Variants in SH3GL2 observed in about 807,000 individuals in gnomAD.
SH3GL2 encodes endophilin-A1.
SH3GL2 carries 24 observed loss-of-function variants against 46.0 expected under a neutral mutation model. That is an observed-to-expected ratio of 0.52 (90% confidence interval 0.38 to 0.73). SH3GL2 has a LOEUF of 0.73. Ranked by LOEUF, SH3GL2 falls within the 30% of genes least tolerant of loss-of-function variation. The pLI, the probability that SH3GL2 is intolerant of heterozygous loss-of-function variation, is 0.00. For synonymous variants in SH3GL2, 196 were observed against 147.1 expected, an observed-to-expected ratio of 1.33 and a Z score of -2.40; for missense variants, 413 against 424.2, an observed-to-expected ratio of 0.97 and a Z score of 0.23.
At chr9:17,714,708 T>C (rs964785210) in intron 1 of SH3GL2, among the ~76,000 whole-genome samples, 7 of 151,898 alleles carry the variant, frequency 4.6e-5, no homozygotes, top group African/African-American at 1.7e-4. Flanking sequence ...CTTTTAGCTA[T>C]ATTATAAATC....
chr9:17,770,831 C>T (rs1476228063), intron 3 of SH3GL2, among the ~76,000 whole-genome samples: 1 of 152,204 alleles, frequency 6.6e-6, no homozygotes, highest in African/African-American at 2.4e-5. Context: ...CTCAATCACA[C>T]TGCCACAGAG....
At chr9:17,666,606 C>T (rs1424715831) in intron 1 of SH3GL2, among the ~76,000 whole-genome samples, 5 of 147,612 alleles carry the variant, frequency 3.4e-5, no homozygotes, top group Non-Finnish European at 7.5e-5. Context: ...CTTTTTTCAT[C>T]AGTTCATAGG....
intron 1 of SH3GL2, among the ~76,000 whole-genome samples, chr9:17,642,687 G>T (rs1288259154): frequency 6.6e-6 from 1 of 152,060 alleles, no homozygotes; most frequent in African/African-American, 2.4e-5. Context: ...ATTTCTGAGG[G>T]CTCTGTTCTG....
At chr9:17,667,706 A>G (rs909261988) in intron 1 of SH3GL2, among the ~76,000 whole-genome samples, 4 of 152,140 alleles carry the variant, frequency 2.6e-5, no homozygotes, top group Non-Finnish European at 4.4e-5. Flanking sequence ...TGATAAATTT[A>G]TGTTTAACCT....
intron 1 of SH3GL2, among the ~76,000 whole-genome samples, chr9:17,623,705 T>TACACACACACACACAC (rs10660392): frequency 6.8e-5 from 10 of 147,896 alleles, no homozygotes; most frequent in African/African-American, 2.5e-4. Context: ...TATAATTTCC[T>TACACACACACACACAC]ACACACACAC....
intron 1 of SH3GL2, among the ~76,000 whole-genome samples, chr9:17,704,128 G>A (rs1340553719): frequency 6.6e-6 from 1 of 151,938 alleles, no homozygotes; most frequent in East Asian, 1.9e-4. Context: ...AAAATCAGTG[G>A]CATTTCTGTA....
chr9:17,611,046 C>G (rs951975095), intron 1 of SH3GL2, among the ~76,000 whole-genome samples: 1 of 152,136 alleles, frequency 6.6e-6, no homozygotes, highest in African/African-American at 2.4e-5. Context: ...TTCTATATTT[C>G]TCTGAGAGTT....
At chr9:17,789,623 C>G (rs777293113) in intron 6 of SH3GL2, 73 bp downstream of exon 6, 2 of 1,589,484 alleles carry the variant, frequency 1.3e-6, no homozygotes, top group Admixed American at 3.4e-5. Context: ...AGGCCATAAC[C>G]CTTAAAAGCA....
intron 3 of SH3GL2, among the ~76,000 whole-genome samples, chr9:17,763,686 T>G (rs145602665): frequency 8.5e-4 from 130 of 152,260 alleles, no homozygotes; most frequent in African/African-American, 2.9e-3. Flanking sequence ...TTGTGGTCAT[T>G]TGAAATGACA....
At chr9:17,731,028 T>G (rs1458602827) in intron 1 of SH3GL2, among the ~76,000 whole-genome samples, 1 of 152,144 alleles carries the variant, frequency 6.6e-6, no homozygotes, top group African/African-American at 2.4e-5. Flanking sequence ...TATGTTCTTA[T>G]GCATGCCAGC....
At position 17,793,459 on chromosome 9, in the gene SH3GL2, A is replaced by G. The variant is rs142575982; in HGVS notation, c.821A>G (p.Asn274Ser). 2.0e-5 allele frequency: 32 copies of G among 1,612,254 alleles called. No individual in the cohort carries two copies. Among genetic ancestry groups the G allele is most frequent in the South Asian group, 4.4e-5 (4 of 90,612 alleles). Residue 274 changes from asparagine (N) to serine (S), a missense_variant, in exon 8 of 9, where the codon AAT (asparagine) becomes AGT (serine). Around this residue, in one of 3 missense-constraint regions of SH3GL2, gnomAD observed 248 missense variants for 215.0 expected, o/e 1.15. Transcript: ENST00000380607. ...EFPTGDSTQPNGGLSHTGTPK... is the reference protein window; with the variant it reads ...EFPTGDSTQPSGGLSHTGTPK... ...CCAACTGGAGACAGTACTCAGCCCA[A>G]TGGGGGTCTCTCCCACACAGGCACT...
chr9:17,752,697 T>C (rs1280360987), intron 2 of SH3GL2, among the ~76,000 whole-genome samples: 1 of 152,094 alleles, frequency 6.6e-6, no homozygotes, highest in Non-Finnish European at 1.5e-5. Context: ...TGAGGTCCAA[T>C]TTCTTTCTTT....
At chr9:17,579,765 C>G (rs12683178) in intron 1 of SH3GL2, among the ~76,000 whole-genome samples, 47,240 of 152,078 alleles carry the variant, frequency 0.31, 7,688 homozygotes, top group East Asian at 0.52. Flanking sequence ...TTGCGCTCCT[C>G]TCCCTTACCC....
intron 1 of SH3GL2, among the ~76,000 whole-genome samples, chr9:17,583,610 G>C (rs1001518412): frequency 6.6e-6 from 1 of 152,168 alleles, no homozygotes; most frequent in Non-Finnish European, 1.5e-5. Context: ...AGCCTGAACA[G>C]ACTAAGTCAG....
rs144289806 is a variant in SH3GL2, at chr9:17,704,082, C to T, written c.46-42984C>T. Among the ~76,000 whole-genome samples the T allele has an allele frequency of 8.4e-3, 1,275 of 151,402 alleles. 23 individuals carry two copies. Among genetic ancestry groups the T allele is most frequent in the African/African-American group, 0.029 (1,194 of 40,786 alleles). ...GAAAGCTCCTTGATCTGATAAATAACTTCAGTGAAATTTCAGGATACAAAA... is the reference window on the plus strand; with the variant it reads ...GAAAGCTCCTTGATCTGATAAATAATTTCAGTGAAATTTCAGGATACAAAA... On this transcript the variant is annotated intron_variant, in intron 1 of 8. Transcript: ENST00000380607.
intron 3 of SH3GL2, among the ~76,000 whole-genome samples, chr9:17,773,751 G>GT (rs913180666): frequency 6.6e-5 from 10 of 151,954 alleles, no homozygotes; most frequent in Non-Finnish European, 1.0e-4. Context: ...TTCTAGCTTT[G>GT]TTTTTTTAAG....
intron 1 of SH3GL2, among the ~76,000 whole-genome samples, chr9:17,716,877 T>C (rs1355835763): frequency 3.3e-5 from 5 of 152,256 alleles, no homozygotes; most frequent in Admixed American, 2.6e-4. Flanking sequence ...GTCAGGGATC[T>C]CTGTCTTTCA....
At chr9:17,613,045 A>G (rs767079285) in intron 1 of SH3GL2, among the ~76,000 whole-genome samples, 23 of 152,066 alleles carry the variant, frequency 1.5e-4, no homozygotes, top group Non-Finnish European at 3.1e-4. Context: ...TTTGTTGTCA[A>G]GTTTATTTTG....
intron 3 of SH3GL2, among the ~76,000 whole-genome samples, chr9:17,763,216 A>T (rs1205668961): frequency 6.6e-6 from 1 of 152,300 alleles, no homozygotes; most frequent in African/African-American, 2.4e-5. Context: ...GTGGGAGCTC[A>T]TCAGTTTTCC....
Sources: allele counts gnomAD v4.1 joint callset (sites outside exome capture counted in the v4.1 genomes callset), GRCh38; gene constraint gnomAD v4.1.1; regional missense constraint gnomAD v4.1.1; transcripts MANE v1.5; gene names NCBI Gene and HGNC (gene_info 2026-07-23, HGNC 2026-07-21).